The following TRRAP variants were observed in gnomAD, a reference collection of about 807,000 sequenced individuals.
TRRAP encodes the protein transformation/transcription domain associated protein.
TRRAP carries 41 observed loss-of-function variants against 438.8 expected under a neutral mutation model. The ratio of observed to expected loss-of-function variants is 0.09; its 90% CI spans 0.07 to 0.12. The LOEUF is 0.12. Ranked by LOEUF, TRRAP falls within the 10% of genes least tolerant of loss-of-function variation. The pLI is 1.00. For synonymous variants in TRRAP, 1,994 were observed against 1,962.9 expected, an observed-to-expected ratio of 1.02 and a Z score of -0.42; for missense variants, 3,122 against 5,055.1, an observed-to-expected ratio of 0.62 and a Z score of 11.60.
intron 28 of TRRAP, 98 bp from the exon 29 acceptor site, chr7:98,937,058 T>C: frequency 7.2e-7 from 1 of 1,397,262 alleles, no homozygotes; most frequent in Non-Finnish European, 9.4e-7. Context: ...CAAGACACCT[T>C]CTCTACCAAA....
rs782051357 is a variant in TRRAP at position 98,950,136 on chromosome 7, GACATTC to G, written c.5209_5214del (p.Thr1737_Phe1738del). 1 of 1,614,220 alleles carries G rather than the reference GACATTC, an allele frequency of 6.2e-7. No homozygotes were observed. The highest frequency in any genetic ancestry group is 8.5e-7 in the Non-Finnish European group (1 of 1,180,036). On this transcript the variant is annotated inframe_deletion, in exon 38 of 73. Coordinates refer to ENST00000456197, the MANE Select transcript of TRRAP (RefSeq NM_001375524.1). ...TTACTGGTCGTTTTCTCTGCAACAT[GACATTC>G]TTAAAAGAGTATATGGAGGAAGAGA...
At chr7:98,911,537 C>G (rs1205896671) in intron 17 of TRRAP, among the ~76,000 whole-genome samples, 4 of 152,090 alleles carry the variant, frequency 2.6e-5, no homozygotes, top group Non-Finnish European at 5.9e-5. Context: ...CTTTAGGAGG[C>G]CGGGGATTGC....
rs782205509 is a variant in TRRAP, at chr7:98,936,331, G to T, written c.4111+656G>T. Among the ~76,000 whole-genome samples the T allele has an allele frequency of 8.1e-4, 124 of 152,190 alleles. 1 individual carries two copies. The highest frequency in any genetic ancestry group is 1.9e-4 in the Non-Finnish European group (13 of 68,034). On this transcript the variant is annotated intron_variant, in intron 28 of 72. Transcript: ENST00000456197. ...TACCTGAGCTAGAAGATGGGGTGGA[G>T]TGTTCCAGACAGTGCAAGCCAAAGC...
chr7:98,930,405 C>G (rs1486313045), intron 24 of TRRAP, among the ~76,000 whole-genome samples, 199 bp downstream of exon 24: 1 of 152,040 alleles, frequency 6.6e-6, no homozygotes, highest in African/African-American at 2.4e-5. Context: ...GGAGAAACCC[C>G]GTCTCTACTA....
chr7:98,966,014 C>T, intron 49 of TRRAP, 119 bp downstream of exon 49: 2 of 1,154,968 alleles, frequency 1.7e-6, no homozygotes, highest in Non-Finnish European at 2.5e-6. Context: ...ATTGCACTCA[C>T]AGCATCTTTT....
At chr7:98,890,265 A>G in intron 3 of TRRAP, 70 bp from the exon 4 acceptor site, 1 of 1,016,280 alleles carries the variant, frequency 9.8e-7, no homozygotes, top group Non-Finnish European at 1.3e-6. Flanking sequence ...TGCAGTTATT[A>G]TAATGTGTAA....
intron 8 of TRRAP, among the ~76,000 whole-genome samples, chr7:98,898,804 C>G (rs1340258320): frequency 6.6e-6 from 1 of 152,198 alleles, no homozygotes; most frequent in African/African-American, 2.4e-5. Flanking sequence ...AAGTCATAGG[C>G]ATTCATTTTA....
At chr7:98,937,099 A>C (rs201334368) in intron 28 of TRRAP, 57 bp from the exon 29 acceptor site, 9 of 1,537,462 alleles carry the variant, frequency 5.9e-6, no homozygotes, top group Non-Finnish European at 7.9e-6. Flanking sequence ...AGAGAAGAAA[A>C]TTATTTGGGC....
At chr7:98,900,831 T>C in intron 11 of TRRAP, 111 bp downstream of exon 11, 1 of 823,674 alleles carries the variant, frequency 1.2e-6, no homozygotes, top group South Asian at 1.8e-5. Context: ...TAATCATTAC[T>C]AACACATCAA....
At chr7:98,961,232 CTG>C in intron 45 of TRRAP, 27 bp from the exon 46 acceptor site, 1 of 1,606,700 alleles carries the variant, frequency 6.2e-7, no homozygotes, top group Non-Finnish European at 8.5e-7. Flanking sequence ...TTTGTTTCCT[CTG>C]TGAGTGGCCT....
Position 99,011,060 on chromosome 7 carries a change from C to T in TRRAP, c.10947C>T (p.Arg3649=), listed in dbSNP as rs749457464. The change falls in exon 71 of 73, where the codon CGC becomes CGT. Residue 3649 remains arginine (R), a synonymous_variant. Transcript: ENST00000456197. The surrounding 1 kb of genome is among the most constrained non-coding windows in gnomAD (Gnocchi z 7.1). ...RGTQASHQVL[R]DILKEVQSNM... is the part of the protein sequence containing the mutation. ...GGAGCGCTGTGTTTCAGGTCCTCCGCGACATCCTCAAGGAGGTTCAGAGTA... is the reference window on the plus strand; with the variant it reads ...GGAGCGCTGTGTTTCAGGTCCTCCGTGACATCCTCAAGGAGGTTCAGAGTA... 4.3e-6 allele frequency: 7 copies of T among 1,613,392 alleles called. No individual in the cohort carries two copies. The highest frequency in any genetic ancestry group is 1.3e-5 in the African/African-American group (1 of 74,906).
At chr7:98,977,537 A>G (rs1792719485) in intron 56 of TRRAP, among the ~76,000 whole-genome samples, 1 of 152,224 alleles carries the variant, frequency 6.6e-6, no homozygotes, top group South Asian at 2.1e-4. Context: ...TGCATTTAAG[A>G]GATACCTACG....
intron 70 of TRRAP, among the ~76,000 whole-genome samples, chr7:99,009,799 C>G (rs1411488151): frequency 6.6e-6 from 1 of 152,120 alleles, no homozygotes; most frequent in Non-Finnish European, 1.5e-5. Flanking sequence ...AGGGAGATGC[C>G]CACAGCACAG....
chr7:98,929,518 G>A (rs1221779913), intron 23 of TRRAP, among the ~76,000 whole-genome samples: 1 of 152,140 alleles, frequency 6.6e-6, no homozygotes, highest in Non-Finnish European at 1.5e-5. Flanking sequence ...AGGCATATCA[G>A]ACCACTTAAT....
rs77572665 is a variant in TRRAP at position 98,988,981 on chromosome 7, A to G, written c.9591+15A>G. 8.7e-6 allele frequency: 14 copies of G among 1,607,418 alleles called. No individual in the cohort carries two copies. The highest frequency in any genetic ancestry group is 1.3e-5 in the African/African-American group (1 of 74,996). On this transcript the variant is annotated intron_variant, in intron 63 of 72. Transcript: ENST00000456197. ...ACTTAGCCAAGGTGAGACCGAAAAA[A>G]CGAGCTTTGACCAGAGGCCATCTGT...
At chr7:98,984,447 A>G (rs1793064664) in intron 61 of TRRAP, 89 bp downstream of exon 61, 10 of 1,450,182 alleles carry the variant, frequency 6.9e-6, no homozygotes, top group East Asian at 2.4e-5. Flanking sequence ...GGTTCAGAAT[A>G]TAAGGAAGGT....
chr7:98,888,066 C>T (rs1175149624), intron 3 of TRRAP, among the ~76,000 whole-genome samples: 14 of 151,812 alleles, frequency 9.2e-5, no homozygotes, highest in African/African-American at 3.4e-4. Context: ...CCGTCTCTAC[C>T]AAAAATACAA....
intron 61 of TRRAP, 53 bp from the exon 62 acceptor site, chr7:98,984,891 C>T: frequency 1.7e-6 from 2 of 1,212,086 alleles, no homozygotes; most frequent in Non-Finnish European, 2.4e-6. Flanking sequence ...ATGAGGTTTT[C>T]ATATTGTTTA....
rs62472037 is a variant in TRRAP, at chr7:99,010,983, T to A, written c.10939-69T>A. 0.31 allele frequency: 454,224 copies of A among 1,475,304 alleles called. 73,553 individuals carry two copies. Among genetic ancestry groups the A allele is most frequent in the Non-Finnish European group, 0.33 (358,776 of 1,079,524 alleles). The allele number at this position is 1,475,304 out of a possible 1,614,324, so 91.4% of individuals were successfully genotyped here. On this transcript the variant is annotated intron_variant, in intron 70 of 72. Transcript: ENST00000456197. ...TGCTAAGTTAAAGAGGAATTGCAATTTGAGAATTTTTCTTTTCCAAAAAAA... is the reference window on the plus strand; with the variant it reads ...TGCTAAGTTAAAGAGGAATTGCAATATGAGAATTTTTCTTTTCCAAAAAAA...
Sources: allele counts gnomAD v4.1 joint callset (sites outside exome capture counted in the v4.1 genomes callset), GRCh38; gene constraint gnomAD v4.1.1; non-coding constraint Gnocchi (gnomAD v3.1); transcripts MANE v1.5; gene names NCBI Gene and HGNC (gene_info 2026-07-23, HGNC 2026-07-21).